The following PIEZO2 variants were observed in gnomAD, a reference collection of about 807,000 sequenced individuals.
PIEZO2 encodes the protein piezo type mechanosensitive ion channel component 2.
A neutral mutation model predicts 337.3 loss-of-function variants in PIEZO2; 172 were observed. That is an observed-to-expected ratio of 0.51 (90% confidence interval 0.45 to 0.58). The LOEUF (loss-of-function observed/expected upper bound fraction) is 0.58. Among genes scored for constraint, PIEZO2 ranks in the 20% least tolerant of loss-of-function variants. The pLI is 0.00. For missense variants in PIEZO2, 3,028 were observed against 3,391.3 expected, an observed-to-expected ratio of 0.89 and a Z score of 2.66; for synonymous variants, 1,251 against 1,228.5, an observed-to-expected ratio of 1.02 and a Z score of -0.38.
intron 3 of PIEZO2, among the ~76,000 whole-genome samples, chr18:10,964,827 TACTTCATCTA>T (rs1457269214): frequency 6.6e-6 from 1 of 152,254 alleles, no homozygotes; most frequent in Non-Finnish European, 1.5e-5. Context: ...CTATTCTGGA[TACTTCATCTA>T]AATGGAGTCA....
rs577186758 is a variant in PIEZO2 at position 11,086,482 on chromosome 18, G to GCACT, written c.65-20264_65-20261dup. 4.8e-3 allele frequency among the ~76,000 whole-genome samples: 722 copies of GCACT among 149,566 alleles called. 4 individuals are homozygous for GCACT. The highest frequency in any genetic ancestry group is 0.017 in the African/African-American group (671 of 40,170). On this transcript the variant is annotated intron_variant, in intron 1 of 55. Coordinates refer to ENST00000674853, the MANE Select transcript of PIEZO2 (RefSeq NM_001378183.1). ...TGCAGTGAGCCGAGATCCCGCCACTGCACTCCAGCCTGGGCAACAGAGCGA... is the reference window on the plus strand; with the variant it reads ...TGCAGTGAGCCGAGATCCCGCCACTGCACTCACTCCAGCCTGGGCAACAGAGCGA...
rs2036574679 is a variant in PIEZO2 at position 11,027,299 on chromosome 18, C to T, written c.160+38828G>A. On this transcript the variant is annotated intron_variant, in intron 2 of 55. Coordinates refer to ENST00000674853, the MANE Select transcript of PIEZO2 (RefSeq NM_001378183.1). This position sits in a 1 kb window ranked among gnomAD's most constrained non-coding sequence, Gnocchi z 4.2. ...GTTCTGAGCTCCAGTCAAGGTATAACCGGGCTCTGCTGGACCTGTGTGTGA... is the reference window on the plus strand; with the variant it reads ...GTTCTGAGCTCCAGTCAAGGTATAATCGGGCTCTGCTGGACCTGTGTGTGA... Among the ~76,000 whole-genome samples the T allele has an allele frequency of 6.6e-6, 1 of 152,138 alleles. No individual in the cohort carries two copies. Among genetic ancestry groups the T allele is most frequent in the South Asian group, 2.1e-4 (1 of 4,820 alleles).
At position 10,726,719 on chromosome 18, in the gene PIEZO2, G is replaced by T; in HGVS notation, c.5029+4688C>A. 8 of 1,434,672 alleles carry T rather than the reference G, an allele frequency of 5.6e-6. No individual in the cohort carries two copies. Among genetic ancestry groups the T allele is most frequent in the Non-Finnish European group, 7.8e-6 (8 of 1,023,320 alleles). 88.9% of individuals were successfully genotyped at this position (1,434,672 alleles called of 1,614,324 possible). A position where few individuals can be genotyped will look rare whatever the true frequency, so the allele number is the denominator to read the frequency against. On this transcript the variant is annotated intron_variant, in intron 36 of 55. Coordinates refer to ENST00000674853, the MANE Select transcript of PIEZO2 (RefSeq NM_001378183.1). The surrounding 1 kb of genome is among the most constrained non-coding windows in gnomAD (Gnocchi z 5.9). ...CAGGTGTACCTGAACGGCATCCTGT[G>T]CATTCTGGGACATCGCCAGACCATC...
At position 11,009,351 on chromosome 18, in the gene PIEZO2, C is replaced by A. The variant is rs1347532207; in HGVS notation, c.161-29691G>T. On this transcript the variant is annotated intron_variant, in intron 2 of 55. Coordinates refer to ENST00000674853, the MANE Select transcript of PIEZO2 (RefSeq NM_001378183.1). This position sits in a 1 kb window ranked among gnomAD's most constrained non-coding sequence, Gnocchi z 4.6. ...CAGACTCCACCCCTGGAAGTTCTGACCTCATTTTTCTGGGGTGGGGGCGAG... is the reference window on the plus strand; with the variant it reads ...CAGACTCCACCCCTGGAAGTTCTGAACTCATTTTTCTGGGGTGGGGGCGAG... 1.3e-5 allele frequency among the ~76,000 whole-genome samples: 2 copies of A among 152,136 alleles called. No homozygotes were observed. The highest frequency in any genetic ancestry group is 2.9e-5 in the Non-Finnish European group (2 of 68,024).
At chr18:10,704,789 A>G (rs1330740313) in intron 41 of PIEZO2, 137 bp from the exon 42 acceptor site, 6 of 1,051,194 alleles carry the variant, frequency 5.7e-6, no homozygotes, top group Non-Finnish European at 8.0e-6. Flanking sequence ...AACTCAAGCC[A>G]TTCTCCTGCT....
intron 4 of PIEZO2, among the ~76,000 whole-genome samples, chr18:10,905,335 C>A (rs1426722135): frequency 2.0e-5 from 3 of 152,100 alleles, no homozygotes; most frequent in African/African-American, 7.2e-5. Context: ...GTAATCTCAG[C>A]ACTTTTGGGA....
chr18:10,871,171 T>A (rs2042129945), intron 5 of PIEZO2, 82 bp downstream of exon 5: 1 of 1,337,938 alleles, frequency 7.5e-7, no homozygotes, highest in African/African-American at 1.5e-5. Flanking sequence ...TATGCTCAGC[T>A]GTTATTATCA....
intron 7 of PIEZO2, among the ~76,000 whole-genome samples, chr18:10,826,022 A>C (rs2040666882): frequency 6.6e-6 from 1 of 152,182 alleles, no homozygotes; most frequent in East Asian, 1.9e-4. Flanking sequence ...CACAATATGC[A>C]TTTTATACCC....
At position 10,830,063 on chromosome 18, in the gene PIEZO2, AACC is replaced by A. The variant is rs2040798185; in HGVS notation, c.918-22792_918-22790del. ...TCGAATTATACTACAGAGCTCTAGT[AACC>A]AAAACAGTATGGTACTGGCATAAAA... On this transcript the variant is annotated intron_variant, in intron 7 of 55. Coordinates refer to ENST00000674853, the MANE Select transcript of PIEZO2 (RefSeq NM_001378183.1). This position sits in a 1 kb window ranked among gnomAD's most constrained non-coding sequence, Gnocchi z 4.7. Among the ~76,000 whole-genome samples, 1 of 152,184 alleles carries A rather than the reference AACC, an allele frequency of 6.6e-6. No individual in the cohort carries two copies. The highest frequency in any genetic ancestry group is 1.5e-5 in the Non-Finnish European group (1 of 68,024).
chr18:11,014,051 C>G (rs1013720750), intron 2 of PIEZO2, among the ~76,000 whole-genome samples: 1 of 152,254 alleles, frequency 6.6e-6, no homozygotes, highest in Non-Finnish European at 1.5e-5. Flanking sequence ...AATGTAGACA[C>G]TGTCCACCCC....
chr18:11,136,020 T>G (rs542183156), intron 1 of PIEZO2, among the ~76,000 whole-genome samples: 2 of 152,354 alleles, frequency 1.3e-5, no homozygotes, highest in African/African-American at 4.8e-5. Context: ...ACATCCTTAC[T>G]CTAAAGATAA....
chr18:11,123,249 G>A (rs1598994193), intron 1 of PIEZO2, among the ~76,000 whole-genome samples: 1 of 152,250 alleles, frequency 6.6e-6, no homozygotes, highest in East Asian at 1.9e-4. Context: ...ATTACACTTA[G>A]CTTTTGCATC....
At chr18:10,935,234 T>G (rs1179887130) in intron 3 of PIEZO2, among the ~76,000 whole-genome samples, 1 of 152,208 alleles carries the variant, frequency 6.6e-6, no homozygotes, top group Non-Finnish European at 1.5e-5. Context: ...CAGAAAATGT[T>G]CTCCGCGATG....
chr18:10,852,819 A>C (rs930110313), intron 7 of PIEZO2, among the ~76,000 whole-genome samples: 1 of 152,196 alleles, frequency 6.6e-6, no homozygotes, highest in African/African-American at 2.4e-5. Flanking sequence ...GTAAGTGGTC[A>C]GGCATGAGTG....
chr18:10,924,367 G>T (rs751172104), intron 3 of PIEZO2, among the ~76,000 whole-genome samples: 9 of 152,150 alleles, frequency 5.9e-5, no homozygotes, highest in Non-Finnish European at 1.3e-4. Flanking sequence ...GTGTATTAAG[G>T]TCAAATCCAT....
rs1334342960 is a variant in PIEZO2, at chr18:10,950,154, T to A, written c.286+29381A>T. 8.5e-5 allele frequency among the ~76,000 whole-genome samples: 13 copies of A among 152,196 alleles called. 1 individual carries two copies. Among genetic ancestry groups the A allele is most frequent in the Admixed American group, 8.5e-4 (13 of 15,280 alleles). On this transcript the variant is annotated intron_variant, in intron 3 of 55. Coordinates refer to ENST00000674853, the MANE Select transcript of PIEZO2 (RefSeq NM_001378183.1). ...GAGGGTTAATATTGAAAATAAATTA[T>A]GAATTATAGTTTAACTCCAGCCAAG...
At position 11,031,983 on chromosome 18, in the gene PIEZO2, T is replaced by A. The variant is rs2660257; in HGVS notation, c.160+34144A>T. Among the ~76,000 whole-genome samples, 96,535 of 151,468 alleles carry A rather than the reference T, an allele frequency of 0.64. 31,079 individuals are homozygous for A. The highest frequency in any genetic ancestry group is 0.76 in the Middle Eastern group (219 of 290). On this transcript the variant is annotated intron_variant, in intron 2 of 55. Transcript: ENST00000674853. This position sits in a 1 kb window ranked among gnomAD's most constrained non-coding sequence, Gnocchi z 4.7. Reference sequence around the variant, plus strand: ...TTCTCTGTTTCTCTCTGTCTCTCTCTCACACACATACGCATACACACAGAT... The same window carrying A: ...TTCTCTGTTTCTCTCTGTCTCTCTCACACACACATACGCATACACACAGAT...
At chr18:11,113,155 C>A (rs2039785663) in intron 1 of PIEZO2, among the ~76,000 whole-genome samples, 1 of 152,266 alleles carries the variant, frequency 6.6e-6, no homozygotes, top group African/African-American at 2.4e-5. Context: ...CAGTTAACAT[C>A]TTCTCCCACC....
intron 4 of PIEZO2, among the ~76,000 whole-genome samples, chr18:10,896,589 AT>A (rs2042908433): frequency 6.6e-6 from 1 of 152,228 alleles, no homozygotes; most frequent in African/African-American, 2.4e-5. Context: ...AAGCAGGTCA[AT>A]AAACAGCATC....
Sources: allele counts gnomAD v4.1 joint callset (sites outside exome capture counted in the v4.1 genomes callset), GRCh38; gene constraint gnomAD v4.1.1; non-coding constraint Gnocchi (gnomAD v3.1); transcripts MANE v1.5; gene names NCBI Gene and HGNC (gene_info 2026-07-23, HGNC 2026-07-21).